Variants in NELL2 observed in about 807,000 individuals in gnomAD.
NELL2 encodes neural EGFL like 2, also known as protein kinase C-binding protein NELL2.
Under a neutral mutation model 109.6 loss-of-function variants are expected in NELL2, and 41 were observed. The ratio of observed to expected loss-of-function variants is 0.37; its 90% CI spans 0.29 to 0.49. The LOEUF (loss-of-function observed/expected upper bound fraction) is 0.49. NELL2 is among the 20% of genes least tolerant of loss of function. The pLI is 0.98. For synonymous variants in NELL2, 355 were observed against 344.7 expected (o/e 1.03, Z -0.33); for missense variants, 900 against 1,008.3 (o/e 0.89, Z 1.45).
chr12:44,870,088 C>T (rs1049223798), intron 2 of NELL2, among the ~76,000 whole-genome samples: 3 of 152,084 alleles, frequency 2.0e-5, no homozygotes. Context: ...AAGAAGGGTC[C>T]CCTTTCCTTC....
chr12:44,580,772 G>C (rs1013705432), intron 15 of NELL2, among the ~76,000 whole-genome samples: 1 of 152,004 alleles, frequency 6.6e-6, no homozygotes, highest in African/African-American at 2.4e-5. Flanking sequence ...CTGGAAAATG[G>C]CTTTAAGTTC....
chr12:44,886,142 AG>A (rs1945471170), intron 1 of NELL2, among the ~76,000 whole-genome samples: 1 of 147,560 alleles, frequency 6.8e-6, no homozygotes, highest in Non-Finnish European at 1.5e-5. Context: ...GAAGGAAGGA[AG>A]GAAGAAAGGG....
chr12:44,848,181 G>C (rs781560584), intron 2 of NELL2, among the ~76,000 whole-genome samples: 13 of 152,136 alleles, frequency 8.5e-5, no homozygotes, highest in Non-Finnish European at 1.5e-4. Flanking sequence ...GCTAAGGAGA[G>C]GGGATGTCCT....
intron 1 of NELL2, among the ~76,000 whole-genome samples, chr12:44,892,218 T>C (rs1042350544): frequency 1.3e-5 from 2 of 152,206 alleles, no homozygotes; most frequent in Admixed American, 6.5e-5. Context: ...GTGAACAGTT[T>C]ACTGGGATGA....
intron 15 of NELL2, among the ~76,000 whole-genome samples, chr12:44,552,150 A>G (rs753574329): frequency 6.6e-5 from 10 of 152,176 alleles, no homozygotes; most frequent in Non-Finnish European, 1.5e-4. Context: ...ACTTAATTAG[A>G]ATATTTAGGT....
chr12:44,745,042 C>A (rs563759291), intron 9 of NELL2, among the ~76,000 whole-genome samples: 2 of 152,152 alleles, frequency 1.3e-5, no homozygotes. Flanking sequence ...AACATCAATG[C>A]GAAAATCCTA....
chr12:44,859,093 T>C (rs1435771981), intron 2 of NELL2, among the ~76,000 whole-genome samples: 1 of 152,230 alleles, frequency 6.6e-6, no homozygotes, highest in Non-Finnish European at 1.5e-5. Context: ...CAAGATAAAG[T>C]CCCAAATTTT....
intron 5 of NELL2, among the ~76,000 whole-genome samples, chr12:44,778,307 T>A (rs1408879307): frequency 1.3e-5 from 2 of 152,156 alleles, no homozygotes; most frequent in Non-Finnish European, 2.9e-5. Flanking sequence ...ACGATAAATA[T>A]TTAAGTATTT....
intron 15 of NELL2, among the ~76,000 whole-genome samples, chr12:44,552,008 G>C (rs1400162909): frequency 6.6e-6 from 1 of 152,140 alleles, no homozygotes; most frequent in Admixed American, 6.6e-5. Context: ...GCTTTCGGGA[G>C]ACTGGTCCCA....
intron 15 of NELL2, among the ~76,000 whole-genome samples, chr12:44,595,683 T>C (rs1944934428): frequency 6.6e-6 from 1 of 151,254 alleles, no homozygotes; most frequent in East Asian, 1.9e-4. Context: ...CCTCATGATC[T>C]GCCCGCCTCG....
intron 9 of NELL2, among the ~76,000 whole-genome samples, chr12:44,732,778 G>A (rs969928254): frequency 2.6e-5 from 4 of 151,914 alleles, no homozygotes; most frequent in African/African-American, 9.7e-5. Context: ...TATGGAATGC[G>A]AGAAAATATG....
intron 5 of NELL2, 101 bp downstream of exon 5, chr12:44,779,562 A>G (rs1462171379): frequency 2.2e-6 from 2 of 911,068 alleles, no homozygotes; most frequent in African/African-American, 3.4e-5. Flanking sequence ...CTAATTTACA[A>G]ATCAAATTAT....
chr12:44,550,656 T>A (rs767488789), intron 15 of NELL2, among the ~76,000 whole-genome samples: 1 of 152,146 alleles, frequency 6.6e-6, no homozygotes, highest in Non-Finnish European at 1.5e-5. Context: ...AATTGTGGTA[T>A]ATACATACAA....
At chr12:44,897,280 A>T (rs1256402197) in intron 1 of NELL2, among the ~76,000 whole-genome samples, 1 of 152,172 alleles carries the variant, frequency 6.6e-6, no homozygotes, top group East Asian at 1.9e-4. Flanking sequence ...GACATGAGAA[A>T]GAGGAGTGTG....
chr12:44,543,549 G>A (rs906961168), intron 15 of NELL2, among the ~76,000 whole-genome samples: 1 of 152,190 alleles, frequency 6.6e-6, no homozygotes, highest in African/African-American at 2.4e-5. Flanking sequence ...GGATAAAGCT[G>A]TAGGGAATAT....
At chr12:44,809,793 TC>T (rs1943115970) in intron 3 of NELL2, among the ~76,000 whole-genome samples, 1 of 152,072 alleles carries the variant, frequency 6.6e-6, no homozygotes, top group Non-Finnish European at 1.5e-5. Flanking sequence ...CATCTGCCCT[TC>T]CTACTTTCTT....
At chr12:44,877,376 C>T (rs1004409896), upstream of NELL2, among the ~76,000 whole-genome samples, 1 of 152,080 alleles carries the variant, frequency 6.6e-6, no homozygotes, top group Non-Finnish European at 1.5e-5. Context: ...TTGAACATAG[C>T]CCTAAAATTT....
chr12:44,753,177 A>G (rs186732457), intron 9 of NELL2, among the ~76,000 whole-genome samples: 67 of 151,948 alleles, frequency 4.4e-4, no homozygotes, highest in African/African-American at 1.5e-3. Context: ...AGACCACAGC[A>G]CCCTGTCCCT....
chr12:44,628,168 C>T (rs1013167179), intron 13 of NELL2, among the ~76,000 whole-genome samples: 2 of 151,978 alleles, frequency 1.3e-5, no homozygotes, highest in African/African-American at 2.4e-5. Context: ...ATCCTCATTC[C>T]ATAATGACAA....
Sources: allele counts gnomAD v4.1 joint callset (sites outside exome capture counted in the v4.1 genomes callset), GRCh38; gene constraint gnomAD v4.1.1; transcripts MANE v1.5; gene names NCBI Gene and HGNC (gene_info 2026-07-23, HGNC 2026-07-21).